The following CFAP299 variants were observed in gnomAD, a reference collection of about 807,000 sequenced individuals.
CFAP299 encodes cilia- and flagella-associated protein 299.
A neutral mutation model predicts 27.0 loss-of-function variants in CFAP299; 21 were observed. The ratio of observed to expected loss-of-function variants is 0.78; its 90% CI spans 0.55 to 1.12. The LOEUF (loss-of-function observed/expected upper bound fraction) is 1.12. CFAP299 is among the 50% of genes most tolerant of loss of function. CFAP299 has a pLI of 0.00. For missense variants in CFAP299, 310 were observed against 276.6 expected (o/e 1.12, Z -0.86); for synonymous variants, 104 against 98.1 (o/e 1.06, Z -0.36).
chr4:80,799,038 CCAAAAT>C (rs1728041502), intron 3 of CFAP299, among the ~76,000 whole-genome samples: 1 of 146,736 alleles, frequency 6.8e-6, no homozygotes, highest in African/African-American at 2.5e-5. Flanking sequence ...ACTCCTGGTA[CCAAAAT>C]CTGTATTAGT....
At chr4:80,800,479 T>TG (rs1486801635) in intron 3 of CFAP299, among the ~76,000 whole-genome samples, 2 of 5,342 alleles carry the variant, frequency 3.7e-4, no homozygotes, top group Non-Finnish European at 8.5e-4. Flanking sequence ...TATAATATAT[T>TG]ATATAATATA....
intron 3 of CFAP299, among the ~76,000 whole-genome samples, chr4:80,668,656 A>G (rs1741264034): frequency 6.6e-6 from 1 of 152,104 alleles, no homozygotes; most frequent in Admixed American, 6.6e-5. Context: ...CTCCTTTAGT[A>G]TATATGTCTG....
At chr4:80,709,135 T>G (rs1193404564) in intron 3 of CFAP299, among the ~76,000 whole-genome samples, 1 of 152,208 alleles carries the variant, frequency 6.6e-6, no homozygotes, top group Admixed American at 6.5e-5. Context: ...ATTTCTATAG[T>G]GAAAACCCTT....
At chr4:80,772,370 G>A (rs2110084693) in intron 3 of CFAP299, among the ~76,000 whole-genome samples, 1 of 152,166 alleles carries the variant, frequency 6.6e-6, no homozygotes, top group Admixed American at 6.5e-5. Context: ...TGACCATAGA[G>A]GACACAGGAA....
At chr4:80,468,094 G>A (rs555985712) in intron 2 of CFAP299, among the ~76,000 whole-genome samples, 11 of 152,258 alleles carry the variant, frequency 7.2e-5, no homozygotes, top group African/African-American at 2.6e-4. Context: ...TTTATAGAAA[G>A]TAAGTGTTGA....
chr4:80,617,936 T>A (rs1577938445), intron 3 of CFAP299, among the ~76,000 whole-genome samples: 1 of 152,088 alleles, frequency 6.6e-6, no homozygotes, highest in East Asian at 1.9e-4. Context: ...TAAAAATACG[T>A]AGGGTCATGT....
At chr4:80,621,337 G>A (rs1738592661) in intron 3 of CFAP299, among the ~76,000 whole-genome samples, 1 of 151,964 alleles carries the variant, frequency 6.6e-6, no homozygotes, top group South Asian at 2.1e-4. Flanking sequence ...ATTGTTTTTG[G>A]ATAAACCAAG....
chr4:80,789,172 G>C (rs7655071), intron 3 of CFAP299, among the ~76,000 whole-genome samples: 39,447 of 151,914 alleles, frequency 0.26, 6,426 homozygotes, highest in African/African-American at 0.46. Context: ...GCTGTTATCT[G>C]TATAAAAATA....
chr4:80,758,725 G>A (rs532244066), intron 3 of CFAP299, among the ~76,000 whole-genome samples: 4 of 152,274 alleles, frequency 2.6e-5, no homozygotes, highest in Non-Finnish European at 4.4e-5. Context: ...AGATATATCA[G>A]CATTTCCCTT....
intron 3 of CFAP299, among the ~76,000 whole-genome samples, chr4:80,692,789 C>A (rs375402315): frequency 1.3e-5 from 2 of 152,098 alleles, no homozygotes; most frequent in Admixed American, 1.3e-4. Flanking sequence ...ATTTTCGCAA[C>A]CTACTCATCT....
intron 4 of CFAP299, chr4:80,870,635 C>A (rs1733029293): frequency 2.0e-6 from 2 of 985,736 alleles, no homozygotes; most frequent in African/African-American, 1.7e-5. Flanking sequence ...GAACCCTTAT[C>A]TATCACCTAG....
intron 3 of CFAP299, among the ~76,000 whole-genome samples, chr4:80,596,958 T>G (rs182994412): frequency 9.2e-5 from 14 of 152,304 alleles, no homozygotes; most frequent in African/African-American, 3.4e-4. Flanking sequence ...GATACACAAT[T>G]ATTTTTGTTT....
At chr4:80,354,895 C>T (rs757443585) in intron 1 of CFAP299, among the ~76,000 whole-genome samples, 2 of 152,060 alleles carry the variant, frequency 1.3e-5, no homozygotes, top group Non-Finnish European at 2.9e-5. Context: ...TATATATGTA[C>T]CACATTTTCT....
intron 3 of CFAP299, among the ~76,000 whole-genome samples, chr4:80,784,922 A>T (rs1423337349): frequency 6.6e-6 from 1 of 152,088 alleles, no homozygotes. Context: ...GAGTTGTATG[A>T]TTTCTTTACA....
chr4:80,904,659 C>T (rs1735093079), intron 4 of CFAP299, among the ~76,000 whole-genome samples: 1 of 152,052 alleles, frequency 6.6e-6, no homozygotes. Context: ...TTCTTATAGG[C>T]TGTAGGTCAA....
chr4:80,802,263 G>C (rs1290223265), intron 3 of CFAP299, among the ~76,000 whole-genome samples: 1 of 152,062 alleles, frequency 6.6e-6, no homozygotes, highest in African/African-American at 2.4e-5. Context: ...CAATGGGACA[G>C]AGGTTTTAGA....
chr4:80,638,760 C>G (rs1739579581), intron 3 of CFAP299, among the ~76,000 whole-genome samples: 1 of 152,150 alleles, frequency 6.6e-6, no homozygotes, highest in Non-Finnish European at 1.5e-5. Context: ...ATCATGGGTG[C>G]CTGCAGTCAC....
At chr4:80,933,248 A>T (rs1736718623) in intron 4 of CFAP299, among the ~76,000 whole-genome samples, 1 of 151,742 alleles carries the variant, frequency 6.6e-6, no homozygotes, top group Non-Finnish European at 1.5e-5. Context: ...CCATCATATT[A>T]CACATTAGAT....
rs1340599389 is a variant in CFAP299, at chr4:80,870,569, A to G, written c.476+434A>G. Reference sequence around the variant, plus strand: ...TCTCATCTCTGTCCTATTCTGGGACACCCATTCCTTAACACCCATCATTCT... The same window carrying G: ...TCTCATCTCTGTCCTATTCTGGGACGCCCATTCCTTAACACCCATCATTCT... On this transcript the variant is annotated intron_variant, in intron 4 of 5. Coordinates refer to ENST00000358105, the MANE Select transcript of CFAP299 (RefSeq NM_152770.3). The G allele has an allele frequency of 8.1e-6, 8 of 987,260 alleles. No homozygotes were observed. In the East Asian group the frequency reaches 7.9e-4, roughly 98 times the overall value. 61.2% of individuals were successfully genotyped at this position (987,260 alleles called of 1,614,324 possible). A position where few individuals can be genotyped will look rare whatever the true frequency, so the allele number is the denominator to read the frequency against.
Sources: gnomAD v4.1 joint callset for allele counts (sites outside exome capture counted in the v4.1 genomes callset) on GRCh38, gnomAD v4.1.1 for gene constraint, MANE v1.5 for transcripts, NCBI Gene and HGNC (gene_info 2026-07-23, HGNC 2026-07-21) for gene names.